Variants in CLNK observed in about 807,000 individuals in gnomAD.
CLNK encodes the protein cytokine dependent hematopoietic cell linker.
Under a neutral mutation model 68.6 loss-of-function variants are expected in CLNK, and 74 were observed. That is an observed-to-expected ratio of 1.08 (90% CI 0.89 to 1.31). CLNK has a LOEUF of 1.31. CLNK is among the 50% of genes most tolerant of loss of function. CLNK has a pLI of 0.00. For synonymous variants in CLNK, 198 were observed against 172.2 expected, an observed-to-expected ratio of 1.15 and a Z score of -1.17; for missense variants, 553 against 515.3, an observed-to-expected ratio of 1.07 and a Z score of -0.71.
At chr4:10,553,107 G>A (rs1272182359) in intron 8 of CLNK, among the ~76,000 whole-genome samples, 1 of 152,150 alleles carries the variant, frequency 6.6e-6, no homozygotes, top group Non-Finnish European at 1.5e-5. Flanking sequence ...TGTAGATGTG[G>A]CTTTCATAGA....
intron 2 of CLNK, among the ~76,000 whole-genome samples, chr4:10,619,829 C>A (rs1459470771): frequency 6.6e-6 from 1 of 152,086 alleles, no homozygotes; most frequent in Non-Finnish European, 1.5e-5. Flanking sequence ...GATGAAGAAA[C>A]TGAGGCTAAG....
At chr4:10,725,511 C>T in the CLNK span, among the ~76,000 whole-genome samples, 1 of 152,128 alleles carries the variant, frequency 6.6e-6, no homozygotes, top group East Asian at 1.9e-4. Flanking sequence ...GACTACCCCC[C>T]CATAAATCCA....
chr4:10,531,297 T>TATC (rs1217383133), intron 12 of CLNK: 15 of 152,732 alleles, frequency 9.8e-5, no homozygotes. Flanking sequence ...ACTATAGGTT[T>TATC]ATCTCACATG....
At chr4:10,614,621 C>T (rs913359653) in intron 2 of CLNK, among the ~76,000 whole-genome samples, 2 of 152,198 alleles carry the variant, frequency 1.3e-5, no homozygotes, top group South Asian at 4.1e-4. Flanking sequence ...ACCACCCCAG[C>T]CCCACTGAAC....
At position 10,505,362 on chromosome 4, in the gene CLNK, G is replaced by T. The variant is rs1255948993; in HGVS notation, c.984+2597C>A. The stretch of plus-strand genomic sequence containing the variant: ...TGTTCTGTCAGTTTCTCTGCTTTAT[G>T]ACCAACACATTGGCTTAGCCTCAGT... On this transcript the variant is annotated intron_variant, in intron 17 of 18. Coordinates refer to ENST00000226951, the MANE Select transcript of CLNK (RefSeq NM_052964.4). 2.0e-5 allele frequency among the ~76,000 whole-genome samples: 3 copies of T among 152,198 alleles called. No individual in the cohort carries two copies. The East Asian group carries it at 5.8e-4, about 29-fold the overall frequency.
intron 3 of CLNK, among the ~76,000 whole-genome samples, chr4:10,588,736 G>A (rs527521785): frequency 2.4e-4 from 36 of 152,150 alleles, no homozygotes; most frequent in African/African-American, 8.7e-4. Flanking sequence ...GAATGGACAA[G>A]TATTACATGA....
At chr4:10,662,951 C>A (rs1168660434) in intron 2 of CLNK, among the ~76,000 whole-genome samples, 1 of 152,150 alleles carries the variant, frequency 6.6e-6, no homozygotes, top group Non-Finnish European at 1.5e-5. Flanking sequence ...CTGATCTATC[C>A]CCAATCTGGG....
chr4:10,545,662 A>G (rs1719198626), intron 8 of CLNK, among the ~76,000 whole-genome samples: 1 of 152,034 alleles, frequency 6.6e-6, no homozygotes, highest in Non-Finnish European at 1.5e-5. Flanking sequence ...ATTAGCTTCA[A>G]CACCACATAT....
intron 17 of CLNK, among the ~76,000 whole-genome samples, chr4:10,507,056 C>T (rs921778083): frequency 2.0e-5 from 3 of 151,990 alleles, no homozygotes; most frequent in Non-Finnish European, 4.4e-5. Context: ...CCGCCTGCCT[C>T]GGCCTCCAAA....
chr4:10,579,686 A>G lies in CLNK; in HGVS notation c.112+5241T>C, dbSNP rs142678988. 5.0e-3 allele frequency among the ~76,000 whole-genome samples: 763 copies of G among 152,364 alleles called. 6 individuals are homozygous for G. Among genetic ancestry groups the G allele is most frequent in the African/African-American group, 0.017 (719 of 41,588 alleles). On this transcript the variant is annotated intron_variant, in intron 4 of 18. Transcript: ENST00000226951. ...TTAGAGCCAGCTAGCAAACTTTGAT[A>G]TGGAAATGCCAGCCATTAGAAACTG...
At chr4:10,643,590 A>G (rs1303190669) in intron 2 of CLNK, among the ~76,000 whole-genome samples, 2 of 152,248 alleles carry the variant, frequency 1.3e-5, no homozygotes, top group African/African-American at 4.8e-5. Flanking sequence ...CAGGCGCATA[A>G]TAACAGAGGA....
At chr4:10,492,177 A>G (rs1160538685) in intron 18 of CLNK, among the ~76,000 whole-genome samples, 1 of 152,196 alleles carries the variant, frequency 6.6e-6, no homozygotes, top group African/African-American at 2.4e-5. Context: ...CGCCTTACTC[A>G]GAGTCTCCCA....
chr4:10,539,456 C>T (rs1412258489), intron 11 of CLNK, among the ~76,000 whole-genome samples: 1 of 152,126 alleles, frequency 6.6e-6, no homozygotes, highest in Non-Finnish European at 1.5e-5. Context: ...CTAAATAATG[C>T]CTGTGCCCCA....
chr4:10,607,269 G>A (rs1239243906), intron 2 of CLNK, among the ~76,000 whole-genome samples: 1 of 152,188 alleles, frequency 6.6e-6, no homozygotes, highest in Non-Finnish European at 1.5e-5. Flanking sequence ...GTCCTAGTAG[G>A]TTGCCGTTGC....
chr4:10,533,816 A>G (rs1419790683), intron 11 of CLNK, among the ~76,000 whole-genome samples: 3 of 152,220 alleles, frequency 2.0e-5, no homozygotes, highest in Admixed American at 6.5e-5. Context: ...ACAAGTGTCA[A>G]GATGTGTTTG....
At chr4:10,555,704 C>A (rs1397684872) in intron 8 of CLNK, among the ~76,000 whole-genome samples, 3 of 152,174 alleles carry the variant, frequency 2.0e-5, no homozygotes, top group African/African-American at 7.2e-5. Flanking sequence ...CATTACTGAA[C>A]CAACCAATAT....
chr4:10,722,467 C>T, the CLNK span, among the ~76,000 whole-genome samples: 3 of 152,286 alleles, frequency 2.0e-5, no homozygotes, highest in Non-Finnish European at 4.4e-5. Flanking sequence ...GTCCTTTCTC[C>T]ACTTGTCAAC....
chr4:10,607,251 G>C (rs1721825619), intron 2 of CLNK, among the ~76,000 whole-genome samples: 1 of 152,218 alleles, frequency 6.6e-6, no homozygotes, highest in Admixed American at 6.5e-5. Context: ...ACAAGGACAG[G>C]TGAGAAGGTC....
chr4:10,644,232 C>G (rs769763051), intron 2 of CLNK, among the ~76,000 whole-genome samples: 8 of 152,156 alleles, frequency 5.3e-5, no homozygotes, highest in Non-Finnish European at 1.5e-5. Flanking sequence ...ACAAGCTTTG[C>G]TTTATATACA....
Sources: gnomAD v4.1 joint callset for allele counts (sites outside exome capture counted in the v4.1 genomes callset) on GRCh38, gnomAD v4.1.1 for gene constraint, MANE v1.5 for transcripts, NCBI Gene and HGNC (gene_info 2026-07-23, HGNC 2026-07-21) for gene names.